The following HSPA12B variants were observed in gnomAD, a reference collection of about 807,000 sequenced individuals.
HSPA12B encodes the protein heat shock 70 kDa protein 12B.
A neutral mutation model predicts 69.3 loss-of-function variants in HSPA12B; 54 were observed. The ratio of observed to expected loss-of-function variants is 0.78; its 90% confidence interval spans 0.63 to 0.98. The LOEUF is 0.98. HSPA12B is among the 50% of genes least tolerant of loss of function. The pLI is 0.00. For synonymous variants in HSPA12B, 441 were observed against 436.5 expected (o/e 1.01, Z -0.13); for missense variants, 929 against 999.8 (o/e 0.93, Z 0.96).
In HSPA12B at chr20:3,737,955, A is replaced by G. The variant is rs1006077305; in HGVS notation, c.-17-703A>G. ...GAGGCAGAGGTTGCAGTGAGCCAAG[A>G]TCGTGCCACTGCATTCCAGCCTGGG... On this transcript the variant is annotated intron_variant, in intron 1 of 12. Transcript: ENST00000254963. This position sits in a 1 kb window ranked among gnomAD's most constrained non-coding sequence, Gnocchi z 4.1. Among the ~76,000 whole-genome samples, 1 of 152,158 alleles carries G rather than the reference A, an allele frequency of 6.6e-6. No individual in the cohort carries two copies. The highest frequency in any genetic ancestry group is 2.4e-5 in the African/African-American group (1 of 41,444).
At chr20:3,734,206 G>T (rs887600852) in intron 1 of HSPA12B, among the ~76,000 whole-genome samples, 1 of 152,192 alleles carries the variant, frequency 6.6e-6, no homozygotes, top group Admixed American at 6.5e-5. Context: ...TTCGTCCTAG[G>T]CTATTGTAAG....
At chr20:3,735,166 C>G (rs2088089206) in intron 1 of HSPA12B, among the ~76,000 whole-genome samples, 2 of 152,220 alleles carry the variant, frequency 1.3e-5, no homozygotes, top group African/African-American at 4.8e-5. Context: ...GGAAAGAACA[C>G]TGCTCAAACC....
At chr20:3,736,117 G>A (rs1440880787) in intron 1 of HSPA12B, among the ~76,000 whole-genome samples, 1 of 152,178 alleles carries the variant, frequency 6.6e-6, no homozygotes. Flanking sequence ...TGCAGAATTG[G>A]GAAGAGATAG....
rs770200658 is a variant in HSPA12B, at chr20:3,744,914, C to T, written c.279C>T (p.Gly93=). The T allele has an allele frequency of 9.9e-6, 16 of 1,612,494 alleles. No individual in the cohort carries two copies. In the Middle Eastern group the frequency reaches 1.0e-3, roughly 105 times the overall value. The change falls in exon 5 of 13, where the codon GGC becomes GGT. Residue 93 remains glycine, a synonymous_variant. Coordinates refer to ENST00000254963, the MANE Select transcript of HSPA12B (RefSeq NM_052970.5). The surrounding 1 kb of genome is among the most constrained non-coding windows in gnomAD (Gnocchi z 4.9). The part of the protein sequence containing the change: ...EAIHMMRKWE[G]GDPGVAHQKT... The stretch of plus-strand genomic sequence containing the variant: ...TGTGCCTCCGCAGGAAATGGGAGGG[C>T]GGAGACCCGGGCGTGGCCCACCAGA...
Position 3,740,847 on chromosome 20 carries a change from C to A in HSPA12B, c.76C>A (p.Pro26Thr). Residue 26 changes from proline to threonine, a missense_variant, in exon 3 of 13, where the codon CCA (proline) becomes ACA (threonine). Around this residue, in one of 3 missense-constraint regions of HSPA12B, gnomAD observed 477 missense variants for 535.2 expected, o/e 0.89. Coordinates refer to ENST00000254963, the MANE Select transcript of HSPA12B (RefSeq NM_052970.5). This position sits in a 1 kb window ranked among gnomAD's most constrained non-coding sequence, Gnocchi z 4.9. ...CCCGGAGCGGTCCCCAGTGCCTAGC[C>A]CACCCGGCTCCCCGAGGACCCAGGA... ...SSPERSPVPS[P>T]PGSPRTQESC... The A allele has an allele frequency of 6.2e-7, 1 of 1,613,916 alleles. No individual in the cohort carries two copies. The highest frequency in any genetic ancestry group is 8.5e-7 in the Non-Finnish European group (1 of 1,179,976).
chr20:3,748,677 C>T (rs1194472728), intron 8 of HSPA12B, among the ~76,000 whole-genome samples: 1 of 152,120 alleles, frequency 6.6e-6, no homozygotes. Context: ...GGGCAGGACT[C>T]CGCCCAGCCC....
At position 3,749,924 on chromosome 20, in the gene HSPA12B, G is replaced by A; in HGVS notation, c.1043-45G>A. 3.2e-6 allele frequency: 5 copies of A among 1,546,380 alleles called. No homozygotes were observed. Among genetic ancestry groups the A allele is most frequent in the Non-Finnish European group, 3.5e-6 (4 of 1,144,344 alleles). On this transcript the variant is annotated intron_variant, in intron 10 of 12. Coordinates refer to ENST00000254963, the MANE Select transcript of HSPA12B (RefSeq NM_052970.5). This position sits in a 1 kb window ranked among gnomAD's most constrained non-coding sequence, Gnocchi z 5.5. ...CCGGCCCCGCCACTGCCCCCTGGCG[G>A]CCCGGCGAGCGCTGACGCCCTCTTC...
intron 1 of HSPA12B, among the ~76,000 whole-genome samples, chr20:3,733,683 C>G (rs1194435364): frequency 6.6e-6 from 1 of 152,192 alleles, no homozygotes; most frequent in Non-Finnish European, 1.5e-5. Flanking sequence ...TGGGGCAGCC[C>G]TTTGGGTGCC....
intron 3 of HSPA12B, 49 bp from the exon 4 acceptor site, chr20:3,742,235 G>A (rs372575903): frequency 6.7e-4 from 1,070 of 1,601,672 alleles, no homozygotes; most frequent in Non-Finnish European, 8.5e-4. Flanking sequence ...TGTGGGGGAT[G>A]GGGGTGTCCC....
At position 3,751,721 on chromosome 20, in the gene HSPA12B, C is replaced by G; in HGVS notation, c.1616C>G (p.Ser539Trp). ...CCGGGCGTGGTGCGGGTCCGCCGCT[C>G]GCCGCTCACCTATGGCGTGGGCGTG... ...QAPGVVRVRR[S>W]PLTYGVGVLN... The change falls in exon 13 of 13, where the codon TCG becomes TGG. Residue 539 changes from serine to tryptophan, a missense_variant. By Grantham distance (177) the Ser-to-Trp change is radical (BLOSUM62 -3). Coordinates refer to ENST00000254963, the MANE Select transcript of HSPA12B (RefSeq NM_052970.5). 1.3e-6 allele frequency: 2 copies of G among 1,488,534 alleles called. No homozygotes were observed. Among genetic ancestry groups the G allele is most frequent in the African/African-American group, 2.9e-5 (2 of 69,278 alleles). 92.2% of individuals were successfully genotyped at this position (1,488,534 alleles called of 1,614,324 possible).
intron 12 of HSPA12B, 68 bp downstream of exon 12, chr20:3,750,975 C>T (rs2474437): frequency 0.33 from 436,885 of 1,310,316 alleles, 75,668 homozygotes; most frequent in African/African-American, 0.45. Context: ...AATTCCCCCC[C>T]ATCAGTGCCT....
At position 3,752,052 on chromosome 20, in the gene HSPA12B, C is replaced by A; in HGVS notation, c.1947C>A (p.Gly649=). The part of the protein sequence containing the change: ...CGQDTAGAPP[G]RREIRAAMQF... ...AGGACACCGCCGGCGCGCCTCCCGG[C>A]CGCCGCGAGATCCGCGCCGCCATGC... The change falls in exon 13 of 13, where the codon GGC becomes GGA. Residue 649 remains glycine, a synonymous_variant. Transcript: ENST00000254963. 4 of 1,551,060 alleles carry A rather than the reference C, an allele frequency of 2.6e-6. No individual in the cohort carries two copies. The highest frequency in any genetic ancestry group is 3.5e-6 in the Non-Finnish European group (4 of 1,155,088).
At chr20:3,733,900 G>A (rs548823253) in intron 1 of HSPA12B, among the ~76,000 whole-genome samples, 4 of 152,332 alleles carry the variant, frequency 2.6e-5, no homozygotes, top group East Asian at 3.9e-4. Context: ...CACAGGCATC[G>A]TGTGGAGCCC....
chr20:3,750,570 C>T, intron 11 of HSPA12B: 1 of 718,772 alleles, frequency 1.4e-6, no homozygotes, highest in African/African-American at 1.9e-5. Context: ...GGAGGCCCCT[C>T]CCAGGACCTC....
Position 3,749,680 on chromosome 20 carries a change from A to G in HSPA12B, c.938-70A>G. Reference sequence around the variant, plus strand: ...CCGGGGCAGGGCTGGAGGCTGGGCGAGGCTGGAGGGGGCGCAGGGCTGAGG... The same window carrying G: ...CCGGGGCAGGGCTGGAGGCTGGGCGGGGCTGGAGGGGGCGCAGGGCTGAGG... On this transcript the variant is annotated intron_variant, in intron 9 of 12. Transcript: ENST00000254963. The surrounding 1 kb of genome is among the most constrained non-coding windows in gnomAD (Gnocchi z 5.5). 8.5e-7 allele frequency: 1 copy of G among 1,175,954 alleles called. No individual in the cohort carries two copies. Among genetic ancestry groups the G allele is most frequent in the Non-Finnish European group, 1.2e-6 (1 of 837,774 alleles). The allele number at this position is 1,175,954 out of a possible 1,614,324, so 72.8% of individuals were successfully genotyped here. A position where few individuals can be genotyped will look rare whatever the true frequency, so the allele number is the denominator to read the frequency against.
At chr20:3,735,885 G>C (rs1465021592) in intron 1 of HSPA12B, among the ~76,000 whole-genome samples, 3 of 152,124 alleles carry the variant, frequency 2.0e-5, no homozygotes, top group African/African-American at 7.2e-5. Flanking sequence ...ACAGAGCCTG[G>C]CATGAAGAAT....
intron 3 of HSPA12B, among the ~76,000 whole-genome samples, chr20:3,741,155 C>A (rs922936274): frequency 6.6e-6 from 1 of 152,132 alleles, no homozygotes; most frequent in Non-Finnish European, 1.5e-5. Context: ...TCCCAACCCC[C>A]CCACACAGGA....
rs1254375350 is a variant in HSPA12B at position 3,749,336 on chromosome 20, C to A, written c.937+18C>A. 6.2e-7 allele frequency: 1 copy of A among 1,606,176 alleles called. No individual in the cohort carries two copies. The highest frequency in any genetic ancestry group is 1.1e-5 in the South Asian group (1 of 90,384). On this transcript the variant is annotated intron_variant, in intron 9 of 12. Coordinates refer to ENST00000254963, the MANE Select transcript of HSPA12B (RefSeq NM_052970.5). The surrounding 1 kb of genome is among the most constrained non-coding windows in gnomAD (Gnocchi z 5.5). ...GCAAGCAGGTAGGGGGAAAGGGGGA[C>A]GGAGTGTTATCCTTGGCCCCTACCG... is the stretch of plus-strand genomic sequence containing the variant.
At chr20:3,746,121 ACAGAGT>A (rs1323756446) in intron 7 of HSPA12B, 90 bp downstream of exon 7, 4 of 895,870 alleles carry the variant, frequency 4.5e-6, no homozygotes, top group Non-Finnish European at 7.2e-6. Context: ...CCTTGAGACC[ACAGAGT>A]CATTGTGGAA....
Sources: gnomAD v4.1 joint callset for allele counts (sites outside exome capture counted in the v4.1 genomes callset) on GRCh38, gnomAD v4.1.1 for gene constraint, gnomAD v4.1.1 regional missense constraint, Gnocchi (gnomAD v3.1) non-coding constraint, MANE v1.5 for transcripts, NCBI Gene and HGNC (gene_info 2026-07-23, HGNC 2026-07-21) for gene names.